The following SIPA1L1 variants were observed in gnomAD, a reference collection of about 807,000 sequenced individuals.
SIPA1L1 encodes signal induced proliferation associated 1 like 1, also known as signal-induced proliferation-associated 1-like protein 1.
Under a neutral mutation model 162.7 loss-of-function variants are expected in SIPA1L1, and 26 were observed. The ratio of observed to expected loss-of-function variants is 0.16; its 90% CI spans 0.12 to 0.22. SIPA1L1 has a LOEUF of 0.22. Ranked by LOEUF, SIPA1L1 falls within the 10% of genes least tolerant of loss-of-function variation. The pLI, the probability that SIPA1L1 is intolerant of heterozygous loss-of-function variation, is 1.00. For missense variants in SIPA1L1, 1,874 were observed against 2,241.0 expected (o/e 0.84, Z 3.31); for synonymous variants, 829 against 837.4 (o/e 0.99, Z 0.17).
At chr14:71,449,688 A>T (rs868438705) in intron 2 of SIPA1L1, among the ~76,000 whole-genome samples, 1 of 152,222 alleles carries the variant, frequency 6.6e-6, no homozygotes, top group African/African-American at 2.4e-5. Flanking sequence ...GTAACATAAA[A>T]TCACAACTGC....
In SIPA1L1 at chr14:71,666,787, T is replaced by G. The variant is rs753257093; in HGVS notation, c.2256-4332T>G. 1.7e-4 allele frequency among the ~76,000 whole-genome samples: 25 copies of G among 150,672 alleles called. 1 individual carries two copies. The highest frequency in any genetic ancestry group is 2.9e-5 in the Non-Finnish European group (2 of 67,878). ...GCTTGACATCCACTTAAAATCCTAT[T>G]AAGTAAAATGTCTAGCATAGGCAGG... On this transcript the variant is annotated intron_variant, in intron 10 of 23. Transcript: ENST00000381232.
intron 16 of SIPA1L1, 38 bp from the exon 17 acceptor site, chr14:71,709,183 CA>C: frequency 6.5e-7 from 1 of 1,535,750 alleles, no homozygotes; most frequent in Non-Finnish European, 8.9e-7. Flanking sequence ...GTTCAGGAAG[CA>C]AAACTTTGCA....
chr14:71,573,926 G>C (rs2032557950), intron 4 of SIPA1L1: 1 of 328,278 alleles, frequency 3.0e-6, no homozygotes, highest in African/African-American at 2.2e-5. Flanking sequence ...ATTTTTCTTA[G>C]TTCAACATAT....
At position 71,495,481 on chromosome 14, in the gene SIPA1L1, C is replaced by T. The variant is rs2049669020; in HGVS notation, c.-464-17262C>T. ...TGTAGGGTCAATAGTGATGCTCCCTCATTTATTCCTGATTTTGGTAATTTT... is the reference window on the plus strand; with the variant it reads ...TGTAGGGTCAATAGTGATGCTCCCTTATTTATTCCTGATTTTGGTAATTTT... On this transcript the variant is annotated intron_variant, in intron 2 of 23. Transcript: ENST00000381232. Among the ~76,000 whole-genome samples the T allele has an allele frequency of 1.3e-5, 2 of 151,546 alleles. 1 individual carries two copies. Among genetic ancestry groups the T allele is most frequent in the South Asian group, 4.1e-4 (2 of 4,826 alleles).
intron 7 of SIPA1L1, among the ~76,000 whole-genome samples, chr14:71,648,639 A>G (rs1302028419): frequency 6.6e-6 from 1 of 152,220 alleles, no homozygotes; most frequent in African/African-American, 2.4e-5. Context: ...GTACCCCACA[A>G]TCAATTATGC....
chr14:71,609,469 T>C (rs1171488069), intron 5 of SIPA1L1, among the ~76,000 whole-genome samples: 7 of 150,012 alleles, frequency 4.7e-5, no homozygotes, highest in African/African-American at 1.7e-4. Context: ...TTTATTTATT[T>C]ATTTATTTAT....
chr14:71,686,637 A>T (rs540967426), intron 13 of SIPA1L1, among the ~76,000 whole-genome samples: 4 of 152,038 alleles, frequency 2.6e-5, no homozygotes, highest in African/African-American at 9.6e-5. Context: ...TCTGCCTCCC[A>T]GGTTCAAGCG....
chr14:71,655,752 C>G (rs541044038), intron 8 of SIPA1L1, among the ~76,000 whole-genome samples: 110 of 152,106 alleles, frequency 7.2e-4, no homozygotes, highest in African/African-American at 2.3e-3. Context: ...TGTTTGTTGG[C>G]TACGTGTATG....
intron 2 of SIPA1L1, among the ~76,000 whole-genome samples, chr14:71,469,466 T>A (rs977780129): frequency 6.6e-6 from 1 of 152,188 alleles, no homozygotes; most frequent in Non-Finnish European, 1.5e-5. Context: ...AAGCTTTATG[T>A]TTCTTAACCC....
intron 5 of SIPA1L1, among the ~76,000 whole-genome samples, chr14:71,590,358 G>C (rs558022227): frequency 6.6e-6 from 1 of 151,958 alleles, no homozygotes; most frequent in Non-Finnish European, 1.5e-5. Flanking sequence ...GGCCTGTGGC[G>C]AGAGGCTCCC....
intron 9 of SIPA1L1, 114 bp from the exon 10 acceptor site, chr14:71,661,196 C>CGGTGG: frequency 1.9e-6 from 2 of 1,041,778 alleles, no homozygotes; most frequent in Non-Finnish European, 2.8e-6. Flanking sequence ...GATTACCTAC[C>CGGTGG]TTCATGTGTA....
chr14:71,395,135 A>G (rs1313317459), intron 2 of SIPA1L1, among the ~76,000 whole-genome samples: 1 of 152,222 alleles, frequency 6.6e-6, no homozygotes, highest in East Asian at 1.9e-4. Flanking sequence ...TCAGATCTAC[A>G]AAATACACTT....
At chr14:71,709,805 C>A in intron 17 of SIPA1L1, 141 bp downstream of exon 17, 2 of 627,642 alleles carry the variant, frequency 3.2e-6, no homozygotes, top group Non-Finnish European at 5.4e-6. Flanking sequence ...TGTTTAATGC[C>A]CTTTATTTGC....
At chr14:71,650,255 C>T in intron 7 of SIPA1L1, 80 bp from the exon 8 acceptor site, 2 of 1,391,056 alleles carry the variant, frequency 1.4e-6, no homozygotes, top group South Asian at 2.3e-5. Context: ...GGGCATGTGC[C>T]CTATAGGACC....
intron 4 of SIPA1L1, among the ~76,000 whole-genome samples, chr14:71,585,195 A>G (rs143785464): frequency 1.4e-3 from 207 of 151,984 alleles, no homozygotes; most frequent in Non-Finnish European, 2.5e-3. Flanking sequence ...AAAAAAAAAC[A>G]TAGAAAAGGA....
chr14:71,658,637 G>A (rs1297935732), intron 9 of SIPA1L1, among the ~76,000 whole-genome samples: 2 of 152,340 alleles, frequency 1.3e-5, no homozygotes, highest in Non-Finnish European at 1.5e-5. Context: ...TTAACAGCCA[G>A]CTGGATGCCT....
At chr14:71,634,465 T>A (rs997080265) in intron 7 of SIPA1L1, among the ~76,000 whole-genome samples, 1 of 151,646 alleles carries the variant, frequency 6.6e-6, no homozygotes, top group African/African-American at 2.4e-5. Context: ...TTTTTTTTTT[T>A]ATCAGAAATC....
intron 2 of SIPA1L1, among the ~76,000 whole-genome samples, chr14:71,396,580 A>C (rs1160650219): frequency 2.0e-5 from 3 of 152,202 alleles, no homozygotes; most frequent in African/African-American, 7.2e-5. Flanking sequence ...GTTTGGTCCA[A>C]GTGGTCAGTT....
At chr14:71,669,045 A>G (rs913160320) in intron 10 of SIPA1L1, among the ~76,000 whole-genome samples, 2 of 152,210 alleles carry the variant, frequency 1.3e-5, no homozygotes, top group Non-Finnish European at 2.9e-5. Flanking sequence ...AAACCTTGCC[A>G]GTTTGATTTA....
Sources: allele counts gnomAD v4.1 joint callset (sites outside exome capture counted in the v4.1 genomes callset), GRCh38; gene constraint gnomAD v4.1.1; transcripts MANE v1.5; gene names NCBI Gene and HGNC (gene_info 2026-07-23, HGNC 2026-07-21).